Variants in DSE observed in about 807,000 individuals in gnomAD.
DSE encodes the protein dermatan-sulfate epimerase.
Under a neutral mutation model 84.4 loss-of-function variants are expected in DSE, and 36 were observed. The ratio of observed to expected loss-of-function variants is 0.43; its 90% CI spans 0.33 to 0.56. The LOEUF (loss-of-function observed/expected upper bound fraction) is 0.56. DSE is among the 20% of genes least tolerant of loss of function. The probability of loss-of-function intolerance (pLI) is 0.06; values close to 1 mark genes in which losing one functional copy is unlikely to be tolerated. For synonymous variants in DSE, 410 were observed against 430.1 expected, an observed-to-expected ratio of 0.95 and a Z score of 0.58; for missense variants, 862 against 1,169.6, an observed-to-expected ratio of 0.74 and a Z score of 3.84.
intron 2 of DSE, among the ~76,000 whole-genome samples, chr6:116,364,355 T>C (rs1003576134): frequency 1.3e-5 from 2 of 152,176 alleles, no homozygotes; most frequent in Admixed American, 6.5e-5. Context: ...AGAAAGGACA[T>C]AGAAACATGT....
chr6:116,365,275 G>GT (rs1343708544), intron 2 of DSE, among the ~76,000 whole-genome samples: 1 of 150,836 alleles, frequency 6.6e-6, no homozygotes, highest in East Asian at 2.0e-4. Context: ...TTTGTGGGGG[G>GT]GATGGAGTCT....
At position 116,440,561 on chromosome 6, in the gene DSE, T is replaced by C. The variant is rs1784394247; in HGVS notation, c.*3216T>C. 6.6e-6 allele frequency: 1 copy of C among 152,198 alleles called. No homozygotes were observed. Among genetic ancestry groups the C allele is most frequent in the South Asian group, 2.1e-4 (1 of 4,832 alleles). 9.4% of individuals were successfully genotyped at this position (152,198 alleles called of 1,614,324 possible). A position where few individuals can be genotyped will look rare whatever the true frequency, so the allele number is the denominator to read the frequency against. Reference sequence around the variant, plus strand: ...AGCAAGCTATGAAATGCTATATTTGTAGGCTTAAAAGTAAATTAGTGTGTT... The same window carrying C: ...AGCAAGCTATGAAATGCTATATTTGCAGGCTTAAAAGTAAATTAGTGTGTT... On this transcript the variant is annotated 3_prime_UTR_variant, in exon 6 of 6. Coordinates refer to ENST00000644252, the MANE Select transcript of DSE (RefSeq NM_013352.4).
At chr6:116,410,041 TA>T (rs1278277039) in intron 2 of DSE, among the ~76,000 whole-genome samples, 1 of 152,176 alleles carries the variant, frequency 6.6e-6, no homozygotes, top group Non-Finnish European at 1.5e-5. Flanking sequence ...GTCTACTATA[TA>T]AAGGAGCTTG....
intron 2 of DSE, among the ~76,000 whole-genome samples, chr6:116,293,909 C>T (rs749932675): frequency 2.6e-5 from 4 of 151,734 alleles, no homozygotes; most frequent in Non-Finnish European, 5.9e-5. Context: ...CTAGAAGTGA[C>T]CTTGGTGATC....
chr6:116,371,829 G>C (rs1293500257), intron 1 of DSE, among the ~76,000 whole-genome samples: 1 of 152,238 alleles, frequency 6.6e-6, no homozygotes, highest in Non-Finnish European at 1.5e-5. Flanking sequence ...GTCGGGGCTG[G>C]AATCTGAGCT....
chr6:116,294,274 C>T (rs752516720), intron 2 of DSE, among the ~76,000 whole-genome samples: 2 of 152,148 alleles, frequency 1.3e-5, no homozygotes, highest in African/African-American at 2.4e-5. Context: ...CCTTTTGGTT[C>T]AGCCTCCCAA....
chr6:116,416,245 A>T (rs1402776796), intron 2 of DSE, among the ~76,000 whole-genome samples: 1 of 152,078 alleles, frequency 6.6e-6, no homozygotes, highest in South Asian at 2.1e-4. Flanking sequence ...AAGGTTTTAA[A>T]TCATATCTAC....
At chr6:116,394,545 C>T (rs903460971) in intron 1 of DSE, among the ~76,000 whole-genome samples, 7 of 152,100 alleles carry the variant, frequency 4.6e-5, no homozygotes, top group South Asian at 4.1e-4. Flanking sequence ...AAGCAATCCT[C>T]CTGCCTCAGC....
chr6:116,305,129 A>G (rs1280345538), intron 2 of DSE, among the ~76,000 whole-genome samples: 1 of 151,080 alleles, frequency 6.6e-6, no homozygotes, highest in Non-Finnish European at 1.5e-5. Flanking sequence ...TTAGAATCAA[A>G]CTTTCCTTTT....
At chr6:116,350,628 A>T (rs1778251109) in intron 2 of DSE, among the ~76,000 whole-genome samples, 1 of 152,234 alleles carries the variant, frequency 6.6e-6, no homozygotes, top group African/African-American at 2.4e-5. Flanking sequence ...CCAGTCAGGC[A>T]GACATTGTTT....
At chr6:116,408,437 T>C (rs1170121350) in intron 2 of DSE, among the ~76,000 whole-genome samples, 1 of 152,188 alleles carries the variant, frequency 6.6e-6, no homozygotes, top group Non-Finnish European at 1.5e-5. Context: ...ACTAATTAAT[T>C]ATATTGAATG....
chr6:116,258,334 C>T (rs1048814995), intron 1 of DSE: 4 of 534,528 alleles, frequency 7.5e-6, no homozygotes, highest in Admixed American at 2.9e-5. Flanking sequence ...CTTTTTATAA[C>T]GTGCTTTATA....
At position 116,435,756 on chromosome 6, in the gene DSE, A is replaced by G. The variant is rs1198223713; in HGVS notation, c.1288A>G (p.Ile430Val). ...GKLGGRAIYD[I>V]VHRNKYKDWI... Reference sequence around the variant, plus strand: ...ACTGGGGGGACGTGCAATATATGACATTGTCCACAGAAACAAATACAAAGA... The same window carrying G: ...ACTGGGGGGACGTGCAATATATGACGTTGTCCACAGAAACAAATACAAAGA... Residue 430 changes from isoleucine to valine, a missense_variant, in exon 6 of 6, where the codon ATT (isoleucine) becomes GTT (valine). Ile to Val is a conservative substitution (Grantham distance 29, BLOSUM62 3). This residue lies in a region of DSE where 309 missense variants were observed against 516.9 expected (regional missense o/e 0.60). Transcript: ENST00000644252. 6.2e-7 allele frequency: 1 copy of G among 1,614,122 alleles called. No individual in the cohort carries two copies. Among genetic ancestry groups the G allele is most frequent in the Non-Finnish European group, 8.5e-7 (1 of 1,180,012 alleles).
intron 2 of DSE, among the ~76,000 whole-genome samples, chr6:116,345,478 T>G (rs1339652071): frequency 3.9e-5 from 6 of 152,058 alleles, no homozygotes; most frequent in East Asian, 1.9e-4. Flanking sequence ...TTAAAACTGC[T>G]CAACTACATG....
chr6:116,308,063 G>A (rs533672595), intron 2 of DSE, among the ~76,000 whole-genome samples: 2 of 152,234 alleles, frequency 1.3e-5, no homozygotes, highest in South Asian at 4.1e-4. Flanking sequence ...TCACCATCCT[G>A]TGTTCTTTGG....
intron 2 of DSE, among the ~76,000 whole-genome samples, chr6:116,410,766 A>G (rs1393462329): frequency 1.4e-5 from 2 of 140,566 alleles, no homozygotes; most frequent in African/African-American, 5.3e-5. Context: ...AAAAAAAAAA[A>G]GAAGAAGAAG....
Position 116,356,634 on chromosome 6 carries a change from A to G in DSE, c.-53-42564A>G, listed in dbSNP as rs147611991. On this transcript the variant is annotated intron_variant, in intron 2 of 3. Transcript: ENST00000430252. ...TTATAGGAATCTTGTAGATGAAACA[A>G]TTATCTCACTTTGCGAATGACGAAA... Among the ~76,000 whole-genome samples the G allele has an allele frequency of 5.4e-3, 825 of 152,294 alleles. 8 individuals are homozygous for G. Among genetic ancestry groups the G allele is most frequent in the African/African-American group, 0.019 (787 of 41,552 alleles).
intron 2 of DSE, among the ~76,000 whole-genome samples, chr6:116,320,478 A>C (rs6911873): frequency 0.069 from 10,530 of 151,830 alleles, 778 homozygotes; most frequent in African/African-American, 0.18. Context: ...AGAGAACAAA[A>C]CAAAGGAGAG....
At chr6:116,411,007 A>G (rs991864851) in intron 2 of DSE, among the ~76,000 whole-genome samples, 3 of 152,176 alleles carry the variant, frequency 2.0e-5, no homozygotes, top group African/African-American at 7.2e-5. Flanking sequence ...CTATTGAGGA[A>G]TGCTATAAAT....
Sources: allele counts gnomAD v4.1 joint callset (sites outside exome capture counted in the v4.1 genomes callset), GRCh38; gene constraint gnomAD v4.1.1; regional missense constraint gnomAD v4.1.1; transcripts MANE v1.5; gene names NCBI Gene and HGNC (gene_info 2026-07-23, HGNC 2026-07-21).